HLA-C: variants seen among roughly 807,000 people sequenced by gnomAD.
HLA-C encodes major histocompatibility complex, class I, C.
A neutral mutation model predicts 36.9 loss-of-function variants in HLA-C; 15 were observed. The ratio of observed to expected loss-of-function variants is 0.41; its 90% confidence interval spans 0.27 to 0.63. HLA-C has a LOEUF of 0.63. Among genes scored for constraint, HLA-C ranks in the 20% least tolerant of loss-of-function variants. The pLI, the probability that HLA-C is intolerant of heterozygous loss-of-function variation, is 0.35. For synonymous variants in HLA-C, 104 were observed against 174.3 expected (o/e 0.60, Z 3.18); for missense variants, 272 against 400.4 (o/e 0.68, Z 2.74).
rs751574155 is a variant in HLA-C at position 31,270,199 on chromosome 6, C to G, written c.895+11G>C. ...CTGATAAGAGATGTGACCCCCCATTCCCCTCCTTACCCCAGCTCAGGGTGA... is the reference window on the plus strand; with the variant it reads ...CTGATAAGAGATGTGACCCCCCATTGCCCTCCTTACCCCAGCTCAGGGTGA... On this transcript the variant is annotated intron_variant, in intron 4 of 7. Transcript: ENST00000376228. The G allele has an allele frequency of 1.2e-6, 1 of 834,970 alleles. No individual in the cohort carries two copies. The highest frequency in any genetic ancestry group is 1.5e-6 in the Non-Finnish European group (1 of 661,508). 51.7% of individuals were successfully genotyped at this position (834,970 alleles called of 1,614,324 possible).
rs763576150 is a variant in HLA-C at position 31,269,348 on chromosome 6, G to T, written c.1086C>A (p.Ile362=). Residue 362 remains isoleucine, a synonymous_variant, in exon 7 of 8, where the codon ATC becomes ATA. Coordinates refer to ENST00000376228, the Ensembl canonical transcript of HLA-C. ...TCCCCAGAATCTCACCTTTACAAGT[G>T]ATGAGAGACTCATCAGAGCCCTGGG... The T allele has an allele frequency of 3.4e-6, 3 of 882,682 alleles. 1 individual carries two copies. Among genetic ancestry groups the T allele is most frequent in the Non-Finnish European group, 2.9e-6 (2 of 684,382 alleles). 54.7% of individuals were successfully genotyped at this position (882,682 alleles called of 1,614,324 possible).
chr6:31,271,715 A>G (rs1761385663), exon 2 of HLA-C: 2 of 1,509,890 alleles, frequency 1.3e-6, no homozygotes, highest in East Asian at 2.4e-5. Context: ...CTCCTGCTCC[A>G]CCCACGGCGC....
intron 1 of HLA-C, 40 bp downstream of exon 1, chr6:31,271,959 C>A (rs763506290): frequency 5.5e-6 from 6 of 1,095,142 alleles, no homozygotes; most frequent in Non-Finnish European, 7.3e-6. Context: ...CCCCTCGCTC[C>A]TCTCCGCAGA....
At chr6:31,270,718 G>A (rs17884390) in intron 3 of HLA-C, 8,834 of 361,918 alleles carry the variant, frequency 0.024, 1,689 homozygotes, top group Middle Eastern at 0.073. Flanking sequence ...GAGGCTGCAG[G>A]ACTCAGAAAA....
At chr6:31,270,723 A>G (rs1180208191) in intron 3 of HLA-C, 1 of 371,284 alleles carries the variant, frequency 2.7e-6, no homozygotes, top group Admixed American at 4.3e-5. Context: ...TGCAGGACTC[A>G]GAAAAGCTGG....
In HLA-C at chr6:31,271,103, C is replaced by T. The variant is rs1050357; in HGVS notation, c.589G>A (p.Glu197Lys). ...CGCTGCAGCGTCTCCTTCCCGTTCT[C>T]CAGGTATCTGCGGAGCCACTCCACG... is the stretch of plus-strand genomic sequence containing the variant. Residue 197 changes from glutamate (E) to lysine (K), a missense_variant, in exon 3 of 8, where the codon GAG (glutamate) becomes AAG (lysine). This residue lies in a region of HLA-C where 49 missense variants were observed against 93.9 expected (regional missense o/e 0.52). Transcript: ENST00000376228. 621 of 1,128,570 alleles carry T rather than the reference C, an allele frequency of 5.5e-4. 30 individuals carry two copies. Among genetic ancestry groups the T allele is most frequent in the East Asian group, 2.4e-3 (49 of 20,756 alleles). 69.9% of individuals were successfully genotyped at this position (1,128,570 alleles called of 1,614,324 possible). A position where few individuals can be genotyped will look rare whatever the true frequency, so the allele number is the denominator to read the frequency against.
exon 8 of HLA-C, chr6:31,269,036 C>A (rs1049663): frequency 0.014 from 9,847 of 720,058 alleles, 190 homozygotes; most frequent in African/African-American, 0.07. Flanking sequence ...TGTCTCTCCA[C>A]CTCCTCACAT....
chr6:31,269,331 A>C lies in HLA-C; in HGVS notation c.1096+7T>G, dbSNP rs759559219. On this transcript the variant is annotated splice_region_variant and intron_variant, in intron 7 of 7. Coordinates refer to ENST00000376228, the Ensembl canonical transcript of HLA-C. ...CCCCCGACCACTTCAGCTCCCCAGA[A>C]TCTCACCTTTACAAGTGATGAGAGA... 17 of 903,184 alleles carry C rather than the reference A, an allele frequency of 1.9e-5. No homozygotes were observed. The highest frequency in any genetic ancestry group is 4.7e-5 in the East Asian group (1 of 21,166). 55.9% of individuals were successfully genotyped at this position (903,184 alleles called of 1,614,324 possible). A position where few individuals can be genotyped will look rare whatever the true frequency, so the allele number is the denominator to read the frequency against.
At position 31,268,862 on chromosome 6, in the gene HLA-C, G is replaced by A. The variant is rs1071643; in HGVS notation, c.*307C>T. The A allele has an allele frequency of 2.9e-3, 603 of 207,240 alleles. 1 individual carries two copies. The highest frequency in any genetic ancestry group is 5.2e-3 in the African/African-American group (153 of 29,372). The allele number at this position is 207,240 out of a possible 1,614,324, so 12.8% of individuals were successfully genotyped here. A position where few individuals can be genotyped will look rare whatever the true frequency, so the allele number is the denominator to read the frequency against. On this transcript the variant is annotated 3_prime_UTR_variant, in exon 8 of 8. Coordinates refer to ENST00000376228, the Ensembl canonical transcript of HLA-C. ...TTTGAGAACACAAATTTATATTCAG[G>A]TTCTTAACTTCATTAGGGAAGTAAG...
rs748818590 is a variant in HLA-C, at chr6:31,269,475, C to T, written c.1048+18G>A. On this transcript the variant is annotated intron_variant, in intron 6 of 7. Transcript: ENST00000376228. ...TGGAGTAGGTGAGCTCCTCCACACG[C>T]CCGCCGCCATCACTTACACGCAGCC... is the stretch of plus-strand genomic sequence containing the variant. The T allele has an allele frequency of 2.9e-5, 26 of 893,470 alleles. 10 individuals are homozygous for T. The highest frequency in any genetic ancestry group is 2.1e-5 in the Non-Finnish European group (15 of 703,950). 55.3% of individuals were successfully genotyped at this position (893,470 alleles called of 1,614,324 possible).
In HLA-C at chr6:31,271,586, CG is replaced by C; in HGVS notation, c.343+12del. The C allele has an allele frequency of 3.3e-6, 4 of 1,226,938 alleles. No individual in the cohort carries two copies. The highest frequency in any genetic ancestry group is 3.3e-6 in the Non-Finnish European group (3 of 911,736). 76.0% of individuals were successfully genotyped at this position (1,226,938 alleles called of 1,614,324 possible). ...AGGGGTCGTGACCTGCGCCCCGGGC[CG>C]GGGTCACTCACCGTCCTCGCTCTGG... On this transcript the variant is annotated intron_variant, in intron 2 of 7. Coordinates refer to ENST00000376228, the Ensembl canonical transcript of HLA-C.
rs17886924 is a variant in HLA-C at position 31,270,855 on chromosome 6, C to T, written c.619+218G>A. 2.1e-4 allele frequency among the ~76,000 whole-genome samples: 13 copies of T among 62,188 alleles called. 1 individual carries two copies. The highest frequency in any genetic ancestry group is 2.4e-4 in the African/African-American group (3 of 12,664). The allele number at this position is 62,188 out of a possible 152,430, so 40.8% of individuals were successfully genotyped here. ...CAAAGGAGACCCCTGATCAGTATTC[C>T]AGGGACTGTCTTCCCCTCCATTTCC... On this transcript the variant is annotated intron_variant, in intron 3 of 7. Coordinates refer to ENST00000376228, the Ensembl canonical transcript of HLA-C.
intron 3 of HLA-C, among the ~76,000 whole-genome samples, 196 bp downstream of exon 3, chr6:31,270,877 T>C: frequency 1.5e-5 from 1 of 65,208 alleles, no homozygotes; most frequent in African/African-American, 7.6e-5. Flanking sequence ...TCCCCTCCAT[T>C]TCCTCAGAGA....
At position 31,269,397 on chromosome 6, in the gene HLA-C, C is replaced by CA. The variant is rs281860591; in HGVS notation, c.1049-13dup. On this transcript the variant is annotated splice_polypyrimidine_tract_variant and intron_variant, in intron 6 of 7. Coordinates refer to ENST00000376228, the Ensembl canonical transcript of HLA-C. ...GGCACTGTTGCTGCCTGGGGTAGAA[C>CA]AAAAAAAAAGACCTGGTCAGAGCCC... The CA allele has an allele frequency of 5.1e-4, 427 of 840,128 alleles. 1 individual carries two copies. Among genetic ancestry groups the CA allele is most frequent in the Middle Eastern group, 1.3e-3 (3 of 2,264 alleles). 52.0% of individuals were successfully genotyped at this position (840,128 alleles called of 1,614,324 possible). A position where few individuals can be genotyped will look rare whatever the true frequency, so the allele number is the denominator to read the frequency against.
At chr6:31,271,153 A>T (rs2308592) in exon 3 of HLA-C, 91,022 of 897,654 alleles carry the variant, frequency 0.1, 22,242 homozygotes, top group African/African-American at 0.18. Flanking sequence ...GTAGGCTCTC[A>T]GCTGCTCCGC....
At chr6:31,271,947 G>A in intron 1 of HLA-C, 52 bp downstream of exon 1, 1 of 1,094,270 alleles carries the variant, frequency 9.1e-7, no homozygotes, top group South Asian at 1.5e-5. Flanking sequence ...TCGCCGGGAG[G>A]GCCCCTCGCT....
chr6:31,271,603 C>G (rs281860434), exon 2 of HLA-C: 1 of 1,245,304 alleles, frequency 8.0e-7, no homozygotes, highest in Non-Finnish European at 1.1e-6. Context: ...ACTCACCGTC[C>G]TCGCTCTGGT....
At chr6:31,269,194 G>T (rs372648063) in intron 7 of HLA-C, 21 bp from the exon 8 acceptor site, 9 of 1,445,292 alleles carry the variant, frequency 6.2e-6, no homozygotes, top group South Asian at 2.4e-5. Flanking sequence ...CAATAGTCAT[G>T]AACAAATTCA....
At position 31,271,273 on chromosome 6, in the gene HLA-C, GA is replaced by G; in HGVS notation, c.418del (p.Ser140ProfsTer11). On this transcript the variant is annotated frameshift_variant, in exon 3 of 8. Transcript: ENST00000376228. LOFTEE classifies it high-confidence loss of function. ...GATGTAATCCTTGCCGTCGTAGGCG[GA>G]CTGGTCATACCCGCGGAGGAGGCGC... is the stretch of plus-strand genomic sequence containing the variant. The G allele has an allele frequency of 4.5e-6, 5 of 1,110,930 alleles. No individual in the cohort carries two copies. The highest frequency in any genetic ancestry group is 3.0e-5 in the African/African-American group (1 of 33,088). The allele number at this position is 1,110,930 out of a possible 1,614,324, so 68.8% of individuals were successfully genotyped here. A position where few individuals can be genotyped will look rare whatever the true frequency, so the allele number is the denominator to read the frequency against.
Sources: gnomAD v4.1 joint callset for allele counts (sites outside exome capture counted in the v4.1 genomes callset) on GRCh38, gnomAD v4.1.1 for gene constraint, gnomAD v4.1.1 regional missense constraint, MANE v1.5 for transcripts, NCBI Gene and HGNC (gene_info 2026-07-23, HGNC 2026-07-21) for gene names.